KDM4C: variants seen among roughly 807,000 people sequenced by gnomAD.
The protein encoded by KDM4C is lysine-specific demethylase 4C.
A neutral mutation model predicts 129.3 loss-of-function variants in KDM4C; 81 were observed. The observed-to-expected ratio is 0.63, with a 90% confidence interval of 0.52 to 0.75. The LOEUF (loss-of-function observed/expected upper bound fraction) is 0.75, where lower values mean the gene tolerates loss of function less well. Among genes scored for constraint, KDM4C ranks in the 30% least tolerant of loss-of-function variants. The pLI is 0.00. For synonymous variants in KDM4C, 573 were observed against 456.1 expected (o/e 1.26, Z -3.26); for missense variants, 1,457 against 1,304.0 (o/e 1.12, Z -1.81).
chr9:6,867,564 T>G (rs1348953828), intron 5 of KDM4C, among the ~76,000 whole-genome samples: 1 of 152,248 alleles, frequency 6.6e-6, no homozygotes, highest in Non-Finnish European at 1.5e-5. Flanking sequence ...TATCGTCAAC[T>G]TCTTGTGTTC....
intron 2 of KDM4C, among the ~76,000 whole-genome samples, chr9:6,799,317 T>C (rs577513038): frequency 9.3e-4 from 142 of 152,326 alleles, no homozygotes; most frequent in African/African-American, 2.0e-3. Flanking sequence ...AATCCCGGCA[T>C]CTTGGGAGGC....
At chr9:6,737,812 T>G (rs1292601148) in intron 1 of KDM4C, among the ~76,000 whole-genome samples, 2 of 151,628 alleles carry the variant, frequency 1.3e-5, no homozygotes, top group Admixed American at 6.6e-5. Context: ...CTCACACCAG[T>G]CAGAATGACT....
At chr9:7,147,049 G>A (rs1291391865) in intron 19 of KDM4C, among the ~76,000 whole-genome samples, 1 of 152,170 alleles carries the variant, frequency 6.6e-6, no homozygotes, top group Non-Finnish European at 1.5e-5. Context: ...GCCAGGAATT[G>A]GGTTTTGCTT....
At chr9:6,954,825 A>G (rs1301268723) in intron 8 of KDM4C, among the ~76,000 whole-genome samples, 1 of 152,192 alleles carries the variant, frequency 6.6e-6, no homozygotes, top group Non-Finnish European at 1.5e-5. Context: ...GGGTTTTAGT[A>G]TTTGGCAAAT....
At chr9:7,109,881 G>T (rs1056157560) in intron 18 of KDM4C, among the ~76,000 whole-genome samples, 2 of 152,172 alleles carry the variant, frequency 1.3e-5, no homozygotes, top group Non-Finnish European at 2.9e-5. Flanking sequence ...GGCAGTCCAG[G>T]TAGAGGTAAT....
At chr9:7,102,635 T>C (rs1340417947) in intron 17 of KDM4C, among the ~76,000 whole-genome samples, 1 of 152,138 alleles carries the variant, frequency 6.6e-6, no homozygotes, top group Non-Finnish European at 1.5e-5. Flanking sequence ...GAGTTAGAAG[T>C]TAAATGCACA....
intron 1 of KDM4C, among the ~76,000 whole-genome samples, chr9:6,765,497 T>C (rs1820431609): frequency 6.6e-6 from 1 of 152,208 alleles, no homozygotes; most frequent in Non-Finnish European, 1.5e-5. Flanking sequence ...TTTGTGATTA[T>C]TTGATTGTTT....
chr9:6,943,815 A>G (rs1033547810), intron 8 of KDM4C, among the ~76,000 whole-genome samples: 1 of 152,202 alleles, frequency 6.6e-6, no homozygotes, highest in African/African-American at 2.4e-5. Context: ...ATGTTTGTCA[A>G]GAATGCAGAT....
chr9:7,172,051 C>G (rs776602798), intron 21 of KDM4C, among the ~76,000 whole-genome samples: 42 of 152,158 alleles, frequency 2.8e-4, no homozygotes, highest in Admixed American at 5.2e-4. Context: ...CCCTCAGACC[C>G]TTGGTTAGTC....
chr9:6,876,124 G>C (rs1843515079), intron 5 of KDM4C, among the ~76,000 whole-genome samples: 1 of 152,160 alleles, frequency 6.6e-6, no homozygotes, highest in South Asian at 2.1e-4. Flanking sequence ...TTATGTGCCT[G>C]TCTGACCCTT....
intron 19 of KDM4C, among the ~76,000 whole-genome samples, chr9:7,154,618 A>G (rs1842990475): frequency 1.3e-5 from 2 of 152,194 alleles, no homozygotes; most frequent in Admixed American, 1.3e-4. Context: ...TGGAGCAAGT[A>G]TAGGAGTTTG....
intron 3 of KDM4C, among the ~76,000 whole-genome samples, 186 bp downstream of exon 3, chr9:6,805,960 T>C (rs1829892128): frequency 6.6e-6 from 1 of 152,230 alleles, no homozygotes; most frequent in Non-Finnish European, 1.5e-5. Flanking sequence ...TTAAAGAAAT[T>C]GCTCTTTATT....
chr9:6,996,095 A>G (rs1453433242), intron 12 of KDM4C, among the ~76,000 whole-genome samples: 1 of 152,246 alleles, frequency 6.6e-6, no homozygotes, highest in Non-Finnish European at 1.5e-5. Context: ...CATTGTACCC[A>G]TGAGGTAATT....
rs554327793 is a variant in KDM4C, at chr9:6,900,627, C to G, written c.921+7395C>G. Among the ~76,000 whole-genome samples the G allele has an allele frequency of 4.9e-4, 75 of 152,316 alleles. 1 individual carries two copies. Among genetic ancestry groups the G allele is most frequent in the South Asian group, 1.0e-3 (5 of 4,824 alleles). ...TCCAGCCTGGGCAACAATGCAAGAC[C>G]TGTCTCAAAACACAAAGAGAAGCCA... On this transcript the variant is annotated intron_variant, in intron 8 of 21. Transcript: ENST00000381309.
intron 17 of KDM4C, among the ~76,000 whole-genome samples, chr9:7,050,284 G>A (rs1337000785): frequency 4.6e-5 from 7 of 151,924 alleles, no homozygotes; most frequent in Non-Finnish European, 1.0e-4. Flanking sequence ...TGCTCAGCAT[G>A]TGGTAGTTGG....
intron 2 of KDM4C, 96 bp from the exon 3 acceptor site, chr9:6,805,503 G>C (rs1829802052): frequency 8.8e-6 from 6 of 679,198 alleles, no homozygotes; most frequent in Admixed American, 7.1e-5. Context: ...TAGAGATACT[G>C]AGAAATTCTT....
intron 8 of KDM4C, among the ~76,000 whole-genome samples, chr9:6,919,991 T>C (rs1821183329): frequency 6.6e-6 from 1 of 152,216 alleles, no homozygotes; most frequent in South Asian, 2.1e-4. Flanking sequence ...GACAAGTTCT[T>C]CCTGCCTGCT....
chr9:7,144,224 G>C (rs1460667986), intron 19 of KDM4C, among the ~76,000 whole-genome samples: 4 of 151,558 alleles, frequency 2.6e-5, no homozygotes, highest in Non-Finnish European at 5.9e-5. Flanking sequence ...CTCAAACTTT[G>C]GGAGGCCAAG....
chr9:7,049,088 G>A lies in KDM4C; in HGVS notation c.2316-4G>A, dbSNP rs1232069100. 10 of 1,604,590 alleles carry A rather than the reference G, an allele frequency of 6.2e-6. No individual in the cohort carries two copies. Among genetic ancestry groups the A allele is most frequent in the African/African-American group, 1.3e-5 (1 of 74,606 alleles). ...GTTTATGTTTAATGTCTCCTTTCCT[G>A]TAGGTGGGCCCATGTCATGTGCGCC... is the stretch of plus-strand genomic sequence containing the variant. On this transcript the variant is annotated splice_region_variant and splice_polypyrimidine_tract_variant and intron_variant, in intron 16 of 21. Coordinates refer to ENST00000381309, the MANE Select transcript of KDM4C (RefSeq NM_015061.6).
Sources: allele counts gnomAD v4.1 joint callset (sites outside exome capture counted in the v4.1 genomes callset), GRCh38; gene constraint gnomAD v4.1.1; transcripts MANE v1.5; gene names NCBI Gene and HGNC (gene_info 2026-07-23, HGNC 2026-07-21).